Variants in PTCHD4 observed in about 807,000 individuals in gnomAD.
The protein encoded by PTCHD4 is patched domain-containing protein 4.
In PTCHD4, 33 loss-of-function variants were observed where a neutral mutation model predicts 58.1. The ratio of observed to expected loss-of-function variants is 0.57; its 90% confidence interval spans 0.43 to 0.76. PTCHD4 has a LOEUF of 0.76. PTCHD4 is among the 30% of genes least tolerant of loss of function. The pLI, the probability that PTCHD4 is intolerant of heterozygous loss-of-function variation, is 0.00. For synonymous variants in PTCHD4, 478 were observed against 409.6 expected, an observed-to-expected ratio of 1.17 and a Z score of -2.02; for missense variants, 1,058 against 1,027.1, an observed-to-expected ratio of 1.03 and a Z score of -0.41.
intron 1 of PTCHD4, among the ~76,000 whole-genome samples, chr6:48,078,315 C>T (rs1466145446): frequency 1.3e-5 from 2 of 152,080 alleles, no homozygotes; most frequent in Non-Finnish European, 2.9e-5. Context: ...TGGGAGTGGC[C>T]CACCACTCAA....
chr6:47,912,494 T>TA (rs1361107029), intron 4 of PTCHD4, among the ~76,000 whole-genome samples: 9 of 152,140 alleles, frequency 5.9e-5, no homozygotes, highest in Non-Finnish European at 1.5e-5. Flanking sequence ...CCAAAATAGT[T>TA]ACACTTACTT....
At chr6:47,976,791 T>G (rs1037121548) in intron 4 of PTCHD4, among the ~76,000 whole-genome samples, 1 of 152,096 alleles carries the variant, frequency 6.6e-6, no homozygotes, top group East Asian at 1.9e-4. Context: ...AAATTTATAT[T>G]ATCAATATGG....
rs560245118 is a variant in PTCHD4, at chr6:47,856,759, G to C, written c.*21544C>G. On this transcript the variant is annotated 3_prime_UTR_variant, in exon 5 of 5. Coordinates refer to ENST00000339488, the MANE Select transcript of PTCHD4 (RefSeq NM_001384253.1). Reference sequence around the variant, plus strand: ...CTAATAAATCTTGGTAAGTTATAGAGAGAATAATTTTATGAACATTTTATA... The same window carrying C: ...CTAATAAATCTTGGTAAGTTATAGACAGAATAATTTTATGAACATTTTATA... Among the ~76,000 whole-genome samples the C allele has an allele frequency of 1.3e-5, 2 of 152,062 alleles. No homozygotes were observed. Among genetic ancestry groups the C allele is most frequent in the South Asian group, 4.1e-4 (2 of 4,826 alleles).
chr6:47,941,133 G>A (rs1323957386), intron 4 of PTCHD4, among the ~76,000 whole-genome samples: 1 of 152,158 alleles, frequency 6.6e-6, no homozygotes, highest in Non-Finnish European at 1.5e-5. Context: ...GTACACATGG[G>A]AACTACATTT....
At chr6:48,066,164 G>A (rs1346111730) in intron 3 of PTCHD4, among the ~76,000 whole-genome samples, 1 of 151,440 alleles carries the variant, frequency 6.6e-6, no homozygotes, top group Non-Finnish European at 1.5e-5. Flanking sequence ...AGCCTCACGA[G>A]AGTGAGAACT....
chr6:47,926,167 C>T (rs926005157), intron 4 of PTCHD4, among the ~76,000 whole-genome samples: 1 of 152,134 alleles, frequency 6.6e-6, no homozygotes, highest in African/African-American at 2.4e-5. Context: ...AAAAGTCTCT[C>T]CTGGAGATGA....
At chr6:48,010,284 A>C (rs1762620173) in intron 3 of PTCHD4, among the ~76,000 whole-genome samples, 1 of 152,208 alleles carries the variant, frequency 6.6e-6, no homozygotes, top group African/African-American at 2.4e-5. Flanking sequence ...ATAAAGGGGT[A>C]AAATCAGGAG....
intron 4 of PTCHD4, among the ~76,000 whole-genome samples, chr6:47,882,179 G>A (rs1764036803): frequency 6.6e-6 from 1 of 152,096 alleles, no homozygotes; most frequent in African/African-American, 2.4e-5. Flanking sequence ...CTTCAGAAAT[G>A]AGGACTCCTG....
rs182384603 is a variant in PTCHD4 at position 47,865,228 on chromosome 6, C to T, written c.*13075G>A. ...GAAAAAAGTATAAAAGATTAGACTG[C>T]CTATTTATGTTCCTAAGATATTCGT... On this transcript the variant is annotated 3_prime_UTR_variant, in exon 5 of 5. Transcript: ENST00000339488. Among the ~76,000 whole-genome samples, 1 of 151,934 alleles carries T rather than the reference C, an allele frequency of 6.6e-6. No homozygotes were observed. The highest frequency in any genetic ancestry group is 6.6e-5 in the Admixed American group (1 of 15,242).
intron 4 of PTCHD4, among the ~76,000 whole-genome samples, chr6:47,947,807 G>C (rs111362272): frequency 7.9e-5 from 12 of 152,114 alleles, no homozygotes; most frequent in South Asian, 2.1e-4. Context: ...CTGAGAAATT[G>C]AGGCATTTAT....
intron 4 of PTCHD4, among the ~76,000 whole-genome samples, chr6:47,988,557 T>C (rs1425564032): frequency 6.6e-6 from 1 of 152,120 alleles, no homozygotes; most frequent in Non-Finnish European, 1.5e-5. Flanking sequence ...AATTCCCATG[T>C]ATTGTGGGAA....
chr6:47,998,243 A>T (rs1768577885), intron 4 of PTCHD4, among the ~76,000 whole-genome samples: 1 of 152,138 alleles, frequency 6.6e-6, no homozygotes, highest in African/African-American at 2.4e-5. Context: ...GAGAAATGGA[A>T]GTACCTGCCA....
chr6:47,877,842 T>G lies in PTCHD4; in HGVS notation c.*461A>C, dbSNP rs1763887940. Among the ~76,000 whole-genome samples the G allele has an allele frequency of 6.6e-6, 1 of 152,066 alleles. No individual in the cohort carries two copies. The highest frequency in any genetic ancestry group is 1.5e-5 in the Non-Finnish European group (1 of 67,990). On this transcript the variant is annotated 3_prime_UTR_variant, in exon 5 of 5. Coordinates refer to ENST00000339488, the MANE Select transcript of PTCHD4 (RefSeq NM_001384253.1). ...GGAAGTCCTTTGGTTTAGACAGTAT[T>G]AAATATGTACTTCCCAAGTGCATAG...
intron 3 of PTCHD4, among the ~76,000 whole-genome samples, chr6:48,017,340 C>A (rs193222403): frequency 6.6e-6 from 1 of 151,962 alleles, no homozygotes; most frequent in African/African-American, 2.4e-5. Context: ...AAAATGAAGA[C>A]TTTAAAGCAT....
intron 4 of PTCHD4, among the ~76,000 whole-genome samples, chr6:47,964,537 T>C (rs768810373): frequency 1.3e-5 from 2 of 152,208 alleles, no homozygotes; most frequent in Non-Finnish European, 2.9e-5. Context: ...ATTTCTACCA[T>C]AGACTGACGA....
chr6:47,944,628 T>C (rs969677207), intron 4 of PTCHD4, among the ~76,000 whole-genome samples: 1 of 152,026 alleles, frequency 6.6e-6, no homozygotes, highest in Non-Finnish European at 1.5e-5. Flanking sequence ...GTGCTAAGGG[T>C]AGAGGAATTG....
chr6:48,008,583 A>G (rs1331342407), intron 4 of PTCHD4, 51 bp downstream of exon 4: 1 of 1,570,480 alleles, frequency 6.4e-7, no homozygotes, highest in African/African-American at 1.3e-5. Flanking sequence ...GAAATATACT[A>G]CCTTGCCCCA....
At chr6:47,914,064 T>C (rs953649163) in intron 4 of PTCHD4, among the ~76,000 whole-genome samples, 1 of 152,176 alleles carries the variant, frequency 6.6e-6, no homozygotes, top group Non-Finnish European at 1.5e-5. Context: ...ACCACAAATA[T>C]GAATAACAGT....
At chr6:48,075,978 ATGT>A (rs907151839) in intron 1 of PTCHD4, among the ~76,000 whole-genome samples, 9 of 152,224 alleles carry the variant, frequency 5.9e-5, no homozygotes, top group Non-Finnish European at 1.2e-4. Context: ...GTAGCATGAA[ATGT>A]TGTTTGATCG....
Sources: allele counts gnomAD v4.1 joint callset (sites outside exome capture counted in the v4.1 genomes callset), GRCh38; gene constraint gnomAD v4.1.1; transcripts MANE v1.5; gene names NCBI Gene and HGNC (gene_info 2026-07-23, HGNC 2026-07-21).